Variants in PTPRD observed in about 807,000 individuals in gnomAD.
PTPRD encodes protein tyrosine phosphatase receptor type D.
A neutral mutation model predicts 214.5 loss-of-function variants in PTPRD; 34 were observed. The ratio of observed to expected loss-of-function variants is 0.16; its 90% CI spans 0.12 to 0.21. The LOEUF (loss-of-function observed/expected upper bound fraction) is 0.21. PTPRD is among the 10% of genes least tolerant of loss of function. The pLI, the probability that PTPRD is intolerant of heterozygous loss-of-function variation, is 1.00. For synonymous variants in PTPRD, 1,128 were observed against 845.7 expected (o/e 1.33, Z -5.79); for missense variants, 2,545 against 2,398.7 (o/e 1.06, Z -1.27).
intron 3 of PTPRD, among the ~76,000 whole-genome samples, chr9:10,278,867 T>C (rs540502069): frequency 2.1e-4 from 32 of 152,092 alleles, no homozygotes; most frequent in East Asian, 3.9e-4. Flanking sequence ...CTCCGTCTCC[T>C]TGGTTCAAGC....
At chr9:9,809,507 G>A (rs560837551) in intron 5 of PTPRD, among the ~76,000 whole-genome samples, 28 of 152,104 alleles carry the variant, frequency 1.8e-4, no homozygotes, top group South Asian at 6.2e-4. Context: ...CTCGTTATCC[G>A]CCTGCCTCGG....
chr9:8,337,796 G>A (rs1023791658), intron 43 of PTPRD, among the ~76,000 whole-genome samples: 1 of 152,010 alleles, frequency 6.6e-6, no homozygotes, highest in African/African-American at 2.4e-5. Flanking sequence ...TTATCACCAG[G>A]AATAGTTGGT....
At chr9:9,260,212 G>A (rs2099979478) in intron 9 of PTPRD, among the ~76,000 whole-genome samples, 1 of 151,786 alleles carries the variant, frequency 6.6e-6, no homozygotes, top group African/African-American at 2.4e-5. Flanking sequence ...AGTTAACCCA[G>A]AACACTGGGC....
chr9:9,889,347 T>A (rs2072317761), intron 5 of PTPRD, among the ~76,000 whole-genome samples: 2 of 152,172 alleles, frequency 1.3e-5, no homozygotes, highest in South Asian at 2.1e-4. Context: ...AATGTATATA[T>A]GCTTCAAAAC....
rs559608171 is a variant in PTPRD at position 9,815,052 on chromosome 9, G to C, written c.-367-48201C>G. Among the ~76,000 whole-genome samples, 305 of 151,984 alleles carry C rather than the reference G, an allele frequency of 2.0e-3. 3 individuals carry two copies. In the Middle Eastern group the frequency reaches 0.02, roughly 10 times the overall value. ...GTTCGTAAAGCCTCCCAAACTACAA[G>C]TAATTTTGAGTAAAAACAACAAAGC... On this transcript the variant is annotated intron_variant, in intron 5 of 45. Coordinates refer to ENST00000381196, the MANE Select transcript of PTPRD (RefSeq NM_002839.4).
intron 3 of PTPRD, among the ~76,000 whole-genome samples, chr9:10,335,734 C>T (rs1275514296): frequency 6.6e-6 from 1 of 151,406 alleles, no homozygotes; most frequent in Non-Finnish European, 1.5e-5. Flanking sequence ...CAAAGAAAAA[C>T]AAAAACTAAA....
intron 4 of PTPRD, among the ~76,000 whole-genome samples, chr9:9,992,555 G>A (rs2095978510): frequency 6.6e-6 from 1 of 152,142 alleles, no homozygotes; most frequent in Non-Finnish European, 1.5e-5. Flanking sequence ...CAACCCAAAT[G>A]TCCATCAATG....
At chr9:10,460,927 G>GA (rs971687464) in intron 2 of PTPRD, among the ~76,000 whole-genome samples, 1 of 151,538 alleles carries the variant, frequency 6.6e-6, no homozygotes, top group South Asian at 2.1e-4. Context: ...CTCAGCAAAA[G>GA]AAAAAATCAA....
intron 9 of PTPRD, among the ~76,000 whole-genome samples, chr9:9,247,413 G>A (rs1269376859): frequency 2.0e-5 from 3 of 152,000 alleles, no homozygotes; most frequent in East Asian, 1.9e-4. Flanking sequence ...TCATTCTGAA[G>A]GCTCCCACAT....
At chr9:9,726,468 G>C (rs1202706639) in intron 7 of PTPRD, among the ~76,000 whole-genome samples, 1 of 32,612 alleles carries the variant, frequency 3.1e-5, no homozygotes, top group Non-Finnish European at 6.4e-5. Flanking sequence ...CTGCCTAACA[G>C]CCCTACCACT....
In PTPRD at chr9:8,636,827, G is replaced by T. The variant is rs769826980; in HGVS notation, c.82C>A (p.Arg28=). ...ACCCCTGTCTGATCAACGGGTGTTC[G>T]TGTAAACCTTGGAGGTGCTGAAATA... The part of the protein sequence containing the change: ...TDAETPPRFT[R]TPVDQTGVSG... The change falls in exon 13 of 46, where the codon CGA becomes AGA. Residue 28 remains arginine, a synonymous_variant. Coordinates refer to ENST00000381196, the MANE Select transcript of PTPRD (RefSeq NM_002839.4). 6.2e-7 allele frequency: 1 copy of T among 1,613,720 alleles called. No individual in the cohort carries two copies. The highest frequency in any genetic ancestry group is 2.2e-5 in the East Asian group (1 of 44,862).
intron 7 of PTPRD, among the ~76,000 whole-genome samples, chr9:9,639,547 G>C (rs527869212): frequency 6.6e-6 from 1 of 152,244 alleles, no homozygotes; most frequent in East Asian, 1.9e-4. Flanking sequence ...AAATTGTTCA[G>C]CTATTCTCTT....
chr9:9,354,728 C>A (rs1046011031), intron 9 of PTPRD, among the ~76,000 whole-genome samples: 1 of 151,766 alleles, frequency 6.6e-6, no homozygotes, highest in South Asian at 2.1e-4. Context: ...TTTGAAGTAT[C>A]AGCAAGGGAT....
At chr9:9,779,802 A>T (rs574822622) in intron 5 of PTPRD, among the ~76,000 whole-genome samples, 2 of 152,272 alleles carry the variant, frequency 1.3e-5, no homozygotes, top group African/African-American at 4.8e-5. Flanking sequence ...CCAGCTATGT[A>T]AATTAGTATG....
At chr9:9,747,844 C>T (rs1243778496) in intron 6 of PTPRD, among the ~76,000 whole-genome samples, 3 of 152,174 alleles carry the variant, frequency 2.0e-5, no homozygotes, top group Non-Finnish European at 2.9e-5. Flanking sequence ...TGAGCCACTG[C>T]ACCTGGCCTG....
chr9:9,761,571 C>G (rs184833916), intron 6 of PTPRD, among the ~76,000 whole-genome samples: 1 of 152,024 alleles, frequency 6.6e-6, no homozygotes, highest in African/African-American at 2.4e-5. Flanking sequence ...TAAATCTGAA[C>G]AATATTGGGG....
chr9:9,413,232 A>C, intron 8 of PTPRD, among the ~76,000 whole-genome samples: 1 of 142,580 alleles, frequency 7.0e-6, no homozygotes, highest in African/African-American at 2.6e-5. Context: ...CTCCTGCCTC[A>C]GCCTCCCGAG....
chr9:10,359,083 G>C (rs1203711014), intron 2 of PTPRD, among the ~76,000 whole-genome samples: 1 of 151,714 alleles, frequency 6.6e-6, no homozygotes, highest in Non-Finnish European at 1.5e-5. Flanking sequence ...GTGGAACAAC[G>C]GTACCAATGC....
intron 3 of PTPRD, among the ~76,000 whole-genome samples, chr9:10,184,245 C>T (rs572226534): frequency 1.4e-4 from 21 of 151,962 alleles, no homozygotes; most frequent in African/African-American, 4.8e-4. Flanking sequence ...GCCAACATGG[C>T]GAAACCACAT....
Sources: allele counts gnomAD v4.1 joint callset (sites outside exome capture counted in the v4.1 genomes callset), GRCh38; gene constraint gnomAD v4.1.1; transcripts MANE v1.5; gene names NCBI Gene and HGNC (gene_info 2026-07-23, HGNC 2026-07-21).